LMF1: variants seen among roughly 807,000 people sequenced by gnomAD.
The protein encoded by LMF1 is transmembrane protein 112.
In LMF1, 68 loss-of-function variants were observed where a neutral mutation model predicts 60.6. The observed-to-expected ratio is 1.12, with a 90% confidence interval of 0.92 to 1.37. LMF1 has a LOEUF of 1.37. LMF1 is among the 40% of genes most tolerant of loss of function. The probability of loss-of-function intolerance (pLI) is 0.00; values close to 1 mark genes in which losing one functional copy is unlikely to be tolerated. For synonymous variants in LMF1, 418 were observed against 324.7 expected (o/e 1.29, Z -3.09); for missense variants, 948 against 767.2 (o/e 1.24, Z -2.78).
chr16:931,563 C>T, intron 3 of LMF1: 1 of 1,202,930 alleles, frequency 8.3e-7, no homozygotes, highest in Non-Finnish European at 1.1e-6. Flanking sequence ...GGAGCCTCCC[C>T]AGAGGTCTCA....
At chr16:966,983 C>T (rs895381573) in intron 1 of LMF1, among the ~76,000 whole-genome samples, 3 of 152,240 alleles carry the variant, frequency 2.0e-5, no homozygotes, top group African/African-American at 7.2e-5. Context: ...AGCAAACCAA[C>T]GTCAGTTCAG....
intron 3 of LMF1, chr16:933,737 C>T (rs555636732): frequency 2.4e-5 from 8 of 329,912 alleles, no homozygotes; most frequent in African/African-American, 6.4e-5. Context: ...TCACATCCAC[C>T]GTCCTCCCGG....
intron 10 of LMF1, among the ~76,000 whole-genome samples, chr16:864,212 C>G (rs1030126363): frequency 6.6e-6 from 1 of 152,242 alleles, no homozygotes; most frequent in Admixed American, 6.5e-5. Flanking sequence ...AATTTTTGCA[C>G]TGAGGTCTAC....
chr16:932,346 A>C (rs534667539), intron 3 of LMF1, among the ~76,000 whole-genome samples: 31 of 152,102 alleles, frequency 2.0e-4, no homozygotes, highest in African/African-American at 7.2e-4. Context: ...GGGAACACAC[A>C]AGCCTCAGCC....
chr16:866,620 G>A (rs2069616944), intron 10 of LMF1, among the ~76,000 whole-genome samples: 4 of 152,156 alleles, frequency 2.6e-5, no homozygotes, highest in Non-Finnish European at 5.9e-5. Context: ...TAGCATCCCA[G>A]TGAGCCGTTT....
chr16:978,194 T>G (rs2073228284), intron 1 of LMF1, among the ~76,000 whole-genome samples: 1 of 138,656 alleles, frequency 7.2e-6, no homozygotes, highest in Admixed American at 7.1e-5. Flanking sequence ...CCCACACACA[T>G]ACATCACACA....
rs1053781204 is a variant in LMF1 at position 878,768 on chromosome 16, G to C, written c.897+802C>G. On this transcript the variant is annotated intron_variant, in intron 6 of 10. Coordinates refer to ENST00000262301, the MANE Select transcript of LMF1 (RefSeq NM_022773.4). This position sits in a 1 kb window ranked among gnomAD's most constrained non-coding sequence, Gnocchi z 5.2. ...GGCGGGGGCAGGGGCGGGCAGGGCA[G>C]GGGAAGGGGCGTGGGACACCCAGGT... Among the ~76,000 whole-genome samples, 12 of 152,120 alleles carry C rather than the reference G, an allele frequency of 7.9e-5. 1 individual carries two copies. The highest frequency in any genetic ancestry group is 2.9e-4 in the African/African-American group (12 of 41,480).
At position 879,829 on chromosome 16, in the gene LMF1, G is replaced by C. The variant is rs188177344; in HGVS notation, c.730-92C>G. On this transcript the variant is annotated intron_variant, in intron 5 of 10. Coordinates refer to ENST00000262301, the MANE Select transcript of LMF1 (RefSeq NM_022773.4). ...GTGGGTCCCTGGCCCCCTGACCCCG[G>C]CTCCTACTGCACACAGGATCCCCCC... 4.6e-4 allele frequency: 583 copies of C among 1,280,210 alleles called. 8 individuals are homozygous for C. The East Asian group carries it at 0.011, about 24-fold the overall frequency. 79.3% of individuals were successfully genotyped at this position (1,280,210 alleles called of 1,614,324 possible). A position where few individuals can be genotyped will look rare whatever the true frequency, so the allele number is the denominator to read the frequency against.
intron 3 of LMF1, among the ~76,000 whole-genome samples, chr16:930,001 C>T (rs1297665883): frequency 6.6e-6 from 1 of 150,514 alleles, no homozygotes; most frequent in Non-Finnish European, 1.5e-5. Context: ...ACACAGAGCC[C>T]AGGACAGCAG....
intron 5 of LMF1, among the ~76,000 whole-genome samples, chr16:883,161 C>A (rs933806904): frequency 1.5e-4 from 22 of 150,500 alleles, no homozygotes; most frequent in Non-Finnish European, 3.1e-4. Context: ...CTCAGCAGAG[C>A]CCATCACAGG....
rs2072666670 is a variant in LMF1, at chr16:955,395, CATACACGCACACACAT to C, written c.194-745_194-730del. ...GTGCCCGCAGCAGACGCGGTGTGTG[CATACACGCACACACAT>C]GTAAGTGAACCAGACACGTTACATA... On this transcript the variant is annotated intron_variant, in intron 1 of 10. Transcript: ENST00000262301. Among the ~76,000 whole-genome samples, 7 of 138,934 alleles carry C rather than the reference CATACACGCACACACAT, an allele frequency of 5.0e-5. 1 individual carries two copies. Among genetic ancestry groups the C allele is most frequent in the Non-Finnish European group, 7.6e-5 (5 of 65,732 alleles). The allele number at this position is 138,934 out of a possible 152,430, so 91.1% of individuals were successfully genotyped here. A position where few individuals can be genotyped will look rare whatever the true frequency, so the allele number is the denominator to read the frequency against.
At chr16:918,650 G>A (rs1328731697) in intron 3 of LMF1, among the ~76,000 whole-genome samples, 1 of 152,338 alleles carries the variant, frequency 6.6e-6, no homozygotes, top group East Asian at 1.9e-4. Context: ...CCACGGAGCT[G>A]TCCTGGGTCA....
intron 9 of LMF1, 23 bp from the exon 10 acceptor site, chr16:869,079 A>T (rs1204141604): frequency 2.6e-6 from 4 of 1,515,604 alleles, no homozygotes; most frequent in Middle Eastern, 3.4e-4. Context: ...GTCGGGCTGG[A>T]GACGGCTGTG....
At chr16:884,055 C>G (rs550125102) in intron 5 of LMF1, 1 of 152,282 alleles carries the variant, frequency 6.6e-6, no homozygotes, top group South Asian at 2.1e-4. Context: ...TATTATCAGG[C>G]GCATACGTGT....
chr16:940,487 G>T (rs554382681), intron 2 of LMF1, among the ~76,000 whole-genome samples: 1 of 152,162 alleles, frequency 6.6e-6, no homozygotes, highest in Non-Finnish European at 1.5e-5. Flanking sequence ...ACGACCACAG[G>T]AAACAGCTGG....
chr16:955,173 G>A, intron 1 of LMF1, among the ~76,000 whole-genome samples: 4 of 130,636 alleles, frequency 3.1e-5, no homozygotes, highest in African/African-American at 1.0e-4. Flanking sequence ...GACGCAGTGT[G>A]TGCATACACA....
At chr16:944,411 GCAC>G in intron 2 of LMF1, among the ~76,000 whole-genome samples, 1 of 152,334 alleles carries the variant, frequency 6.6e-6, no homozygotes, top group Non-Finnish European at 1.5e-5. Flanking sequence ...ATGCCTTGCC[GCAC>G]AAATGCAAGC....
At position 897,704 on chromosome 16, in the gene LMF1, G is replaced by A. The variant is rs999235886; in HGVS notation, c.664-4632C>T. On this transcript the variant is annotated intron_variant, in intron 4 of 10. Transcript: ENST00000262301. The surrounding 1 kb of genome is among the most constrained non-coding windows in gnomAD (Gnocchi z 4.3). ...AACCGTGTCTCAGGGTGAAGGGACC[G>A]CTGGTGGGCTCCGTGGGCAGAGGCA... Among the ~76,000 whole-genome samples, 2 of 152,150 alleles carry A rather than the reference G, an allele frequency of 1.3e-5. No individual in the cohort carries two copies. The highest frequency in any genetic ancestry group is 1.9e-4 in the East Asian group (1 of 5,176).
At chr16:953,974 T>C (rs11647431) in intron 2 of LMF1, among the ~76,000 whole-genome samples, 1,311 of 3,518 alleles carry the variant, frequency 0.37, 352 homozygotes, top group African/African-American at 0.5. Context: ...GCCTCCTACA[T>C]GTCCACACAG....
Sources: allele counts gnomAD v4.1 joint callset (sites outside exome capture counted in the v4.1 genomes callset), GRCh38; gene constraint gnomAD v4.1.1; non-coding constraint Gnocchi (gnomAD v3.1); transcripts MANE v1.5; gene names NCBI Gene and HGNC (gene_info 2026-07-23, HGNC 2026-07-21).